The following XRCC2 variants were observed in gnomAD, a reference collection of about 807,000 sequenced individuals.
The protein encoded by XRCC2 is DNA repair protein XRCC2.
XRCC2 carries 24 observed loss-of-function variants against 27.3 expected under a neutral mutation model. The observed-to-expected ratio is 0.88, with a 90% CI of 0.64 to 1.24. The LOEUF (loss-of-function observed/expected upper bound fraction) is 1.24. Ranked by LOEUF, XRCC2 falls within the 50% of genes most tolerant of loss-of-function variation. The pLI is 0.00. For synonymous variants in XRCC2, 106 were observed against 115.4 expected, an observed-to-expected ratio of 0.92 and a Z score of 0.52; for missense variants, 321 against 325.8, an observed-to-expected ratio of 0.99 and a Z score of 0.11.
intron 2 of XRCC2, among the ~76,000 whole-genome samples, chr7:152,653,494 C>G (rs1403149610): frequency 6.6e-6 from 1 of 152,162 alleles, no homozygotes; most frequent in East Asian, 1.9e-4. Context: ...GGGTCTCATT[C>G]TGTCGCCCAG....
intron 2 of XRCC2, among the ~76,000 whole-genome samples, chr7:152,653,731 G>T (rs576505673): frequency 4.6e-5 from 7 of 152,204 alleles, no homozygotes; most frequent in African/African-American, 1.7e-4. Context: ...CAAAGTGCTA[G>T]ACTTATAGGC....
Position 152,663,346 on chromosome 7 carries a change from T to TAAAAAAAAAAAAAAA in XRCC2, c.40-2579_40-2565dup, listed in dbSNP as rs530664762. Among the ~76,000 whole-genome samples, 33 of 80,892 alleles carry TAAAAAAAAAAAAAAA rather than the reference T, an allele frequency of 4.1e-4. 3 individuals carry two copies. Among genetic ancestry groups the TAAAAAAAAAAAAAAA allele is most frequent in the African/African-American group, 4.9e-4 (11 of 22,346 alleles). The allele number at this position is 80,892 out of a possible 152,430, so 53.1% of individuals were successfully genotyped here. On this transcript the variant is annotated intron_variant, in intron 1 of 2. Coordinates refer to ENST00000359321, the MANE Select transcript of XRCC2 (RefSeq NM_005431.2). ...GCTTTACGTAAGAATGTCTTTGAAG[T>TAAAAAAAAAAAAAAA]AAAAAAAAAAAAAAAAAAAAAAAAA... is the stretch of plus-strand genomic sequence containing the variant.
chr7:152,673,653 G>T (rs1036754554), intron 1 of XRCC2, among the ~76,000 whole-genome samples: 1 of 152,026 alleles, frequency 6.6e-6, no homozygotes, highest in East Asian at 1.9e-4. Flanking sequence ...GGATCATGAG[G>T]TCAGGAGTTT....
In XRCC2 at chr7:152,646,234, A is replaced by G. The variant is rs2098025792; in HGVS notation, c.*2408T>C. On this transcript the variant is annotated 3_prime_UTR_variant, in exon 3 of 3. Coordinates refer to ENST00000359321, the MANE Select transcript of XRCC2 (RefSeq NM_005431.2). ...CCGGACAATGCAAGGACCTTAGCACACTAATTCTTCTGCTCCTAATGTCAA... is the reference window on the plus strand; with the variant it reads ...CCGGACAATGCAAGGACCTTAGCACGCTAATTCTTCTGCTCCTAATGTCAA... 6.6e-6 allele frequency: 1 copy of G among 151,954 alleles called. No individual in the cohort carries two copies. Among genetic ancestry groups the G allele is most frequent in the African/African-American group, 2.4e-5 (1 of 41,370 alleles). The allele number at this position is 151,954 out of a possible 1,614,324, so 9.4% of individuals were successfully genotyped here.
Position 152,666,095 on chromosome 7 carries a change from AAT to A in XRCC2, c.40-5315_40-5314del, listed in dbSNP as rs566780142. Among the ~76,000 whole-genome samples, 238 of 152,362 alleles carry A rather than the reference AAT, an allele frequency of 1.6e-3. 1 individual carries two copies. Among genetic ancestry groups the A allele is most frequent in the Non-Finnish European group, 2.0e-3 (137 of 68,038 alleles). On this transcript the variant is annotated intron_variant, in intron 1 of 2. Coordinates refer to ENST00000359321, the MANE Select transcript of XRCC2 (RefSeq NM_005431.2). ...AGAAAAATACAGCTTTTTTCATAAA[AAT>A]ATGTTTTATAAAAATATTCAATGTG... is the stretch of plus-strand genomic sequence containing the variant.
chr7:152,665,248 T>C (rs2098035065), intron 1 of XRCC2, among the ~76,000 whole-genome samples: 1 of 152,170 alleles, frequency 6.6e-6, no homozygotes, highest in East Asian at 1.9e-4. Flanking sequence ...GAATTCTTTC[T>C]TCCAAGAAGA....
intron 2 of XRCC2, among the ~76,000 whole-genome samples, chr7:152,653,580 C>T (rs951120362): frequency 1.3e-5 from 2 of 152,058 alleles, no homozygotes; most frequent in African/African-American, 4.8e-5. Context: ...CCACCTCCGC[C>T]TCCTGAGTAG....
Position 152,648,990 on chromosome 7 carries a change from A to G in XRCC2, c.495T>C (p.Ser165=). ...TCAGAGTAGACTCCTGTAAGTTCAC[A>G]CTTTCTCCTCCATTGACGCGGTCTA... ...YWIDRVNGGE[S]VNLQESTLRK... is the part of the protein sequence containing the mutation. Residue 165 remains serine (S), a synonymous_variant, in exon 3 of 3, where the codon AGT becomes AGC. Coordinates refer to ENST00000359321, the MANE Select transcript of XRCC2 (RefSeq NM_005431.2). The G allele has an allele frequency of 1.2e-6, 2 of 1,614,240 alleles. No homozygotes were observed. The highest frequency in any genetic ancestry group is 1.1e-5 in the South Asian group (1 of 91,086).
At chr7:152,674,705 T>TATA (rs200794364) in intron 1 of XRCC2, among the ~76,000 whole-genome samples, 1 of 20,694 alleles carries the variant, frequency 4.8e-5, no homozygotes, top group Non-Finnish European at 8.2e-5. Context: ...AAATATATAT[T>TATA]TATATAATAT....
intron 1 of XRCC2, among the ~76,000 whole-genome samples, chr7:152,666,936 G>A (rs2098036012): frequency 6.6e-6 from 1 of 151,992 alleles, no homozygotes; most frequent in South Asian, 2.1e-4. Context: ...AGACTTTCAT[G>A]GACAAGAAAG....
chr7:152,664,327 A>C (rs1466953837), intron 1 of XRCC2, among the ~76,000 whole-genome samples: 1 of 152,186 alleles, frequency 6.6e-6, no homozygotes. Flanking sequence ...AGATTAAGTT[A>C]AGAGATGCCC....
At chr7:152,664,010 A>G (rs191440805) in intron 1 of XRCC2, 22 of 152,342 alleles carry the variant, frequency 1.4e-4, no homozygotes, top group Admixed American at 8.5e-4. Context: ...CAGAGCCCCA[A>G]TAAAACCTTC....
At chr7:152,671,311 C>A (rs1261324520) in intron 1 of XRCC2, among the ~76,000 whole-genome samples, 1 of 152,188 alleles carries the variant, frequency 6.6e-6, no homozygotes, top group African/African-American at 2.4e-5. Context: ...CCTAGATCCA[C>A]CATTGCTAAC....
chr7:152,673,119 C>T (rs192251325), intron 1 of XRCC2, among the ~76,000 whole-genome samples: 3 of 152,220 alleles, frequency 2.0e-5, no homozygotes, highest in African/African-American at 7.2e-5. Flanking sequence ...AAATCAAGGG[C>T]ACATATGTTT....
intron 2 of XRCC2, among the ~76,000 whole-genome samples, chr7:152,657,860 T>C (rs2098031343): frequency 6.6e-6 from 1 of 151,886 alleles, no homozygotes; most frequent in Non-Finnish European, 1.5e-5. Context: ...TTAGAAAATA[T>C]TTAACACAAA....
chr7:152,649,915 A>T (rs1220143335), intron 2 of XRCC2, among the ~76,000 whole-genome samples: 1 of 152,172 alleles, frequency 6.6e-6, no homozygotes, highest in Non-Finnish European at 1.5e-5. Context: ...GGGGTGGAGC[A>T]GCCATCTGGA....
rs2098027013 is a variant in XRCC2 at position 152,648,526 on chromosome 7, C to T, written c.*116G>A. The T allele has an allele frequency of 1.9e-5, 22 of 1,133,630 alleles. No individual in the cohort carries two copies. Among genetic ancestry groups the T allele is most frequent in the Non-Finnish European group, 2.6e-5 (21 of 822,340 alleles). The allele number at this position is 1,133,630 out of a possible 1,614,324, so 70.2% of individuals were successfully genotyped here. A position where few individuals can be genotyped will look rare whatever the true frequency, so the allele number is the denominator to read the frequency against. ...CCTTGAGGCCAGGAGTTCAAGGCTG[C>T]AGTGAGCCATGATTGTGCCACTGCA... On this transcript the variant is annotated 3_prime_UTR_variant, in exon 3 of 3. Coordinates refer to ENST00000359321, the MANE Select transcript of XRCC2 (RefSeq NM_005431.2).
At chr7:152,662,979 A>G (rs1339542044) in intron 1 of XRCC2, among the ~76,000 whole-genome samples, 1 of 152,176 alleles carries the variant, frequency 6.6e-6, no homozygotes, top group Non-Finnish European at 1.5e-5. Context: ...TCTGTTGCGT[A>G]TGAAGCACTG....
intron 2 of XRCC2, among the ~76,000 whole-genome samples, chr7:152,657,232 T>C (rs2098031056): frequency 1.1e-4 from 2 of 19,016 alleles, no homozygotes; most frequent in Admixed American, 1.3e-3. Flanking sequence ...TGAGACTCCA[T>C]CTAAAAAAAA....
Sources: allele counts gnomAD v4.1 joint callset (sites outside exome capture counted in the v4.1 genomes callset), GRCh38; gene constraint gnomAD v4.1.1; transcripts MANE v1.5; gene names NCBI Gene and HGNC (gene_info 2026-07-23, HGNC 2026-07-21).